The following BCL2 variants were observed in gnomAD, a reference collection of about 807,000 sequenced individuals.
BCL2 encodes the protein apoptosis regulator Bcl-2.
Under a neutral mutation model 14.2 loss-of-function variants are expected in BCL2, and 1 was observed. The ratio of observed to expected loss-of-function variants is 0.07; its 90% confidence interval spans 0.02 to 0.33. BCL2 has a LOEUF of 0.33. BCL2 is among the 10% of genes least tolerant of loss of function. BCL2 has a pLI of 0.99. For synonymous variants in BCL2, 151 were observed against 137.2 expected (o/e 1.10, Z -0.70); for missense variants, 247 against 305.9 (o/e 0.81, Z 1.44).
intron 2 of BCL2, among the ~76,000 whole-genome samples, chr18:63,259,981 T>C (rs1295824754): frequency 6.6e-6 from 1 of 152,220 alleles, no homozygotes. Context: ...TTTCTCCGTT[T>C]TTGCTTTTAA....
At chr18:63,201,664 C>T (rs1434727365) in intron 2 of BCL2, among the ~76,000 whole-genome samples, 3 of 152,126 alleles carry the variant, frequency 2.0e-5, no homozygotes, top group Non-Finnish European at 2.9e-5. Flanking sequence ...AGGATGAGTT[C>T]ATGTCCTTTG....
At chr18:63,213,648 C>T (rs1910115549) in intron 2 of BCL2, among the ~76,000 whole-genome samples, 1 of 151,506 alleles carries the variant, frequency 6.6e-6, no homozygotes, top group Admixed American at 6.6e-5. Context: ...GGAGTTAAAA[C>T]GAGAACCCTA....
intron 2 of BCL2, among the ~76,000 whole-genome samples, chr18:63,152,095 G>A (rs1361598120): frequency 2.0e-5 from 3 of 152,186 alleles, no homozygotes; most frequent in African/African-American, 7.2e-5. Context: ...TCAAAACAGA[G>A]GGTCTTTACT....
intron 2 of BCL2, among the ~76,000 whole-genome samples, chr18:63,278,345 A>G (rs956303554): frequency 5.9e-5 from 9 of 152,346 alleles, no homozygotes; most frequent in African/African-American, 1.7e-4. Context: ...ACTCTCCTAG[A>G]TCAAACTCAG....
chr18:63,182,753 A>G (rs1915508314), intron 2 of BCL2, among the ~76,000 whole-genome samples: 1 of 152,226 alleles, frequency 6.6e-6, no homozygotes, highest in South Asian at 2.1e-4. Context: ...CATGTAGGAC[A>G]AAAAAATTTT....
chr18:63,272,482 A>C (rs1312029612), intron 2 of BCL2, among the ~76,000 whole-genome samples: 3 of 152,238 alleles, frequency 2.0e-5, no homozygotes, highest in Non-Finnish European at 4.4e-5. Context: ...TCGGGTAAAC[A>C]TCCGAGACAA....
At chr18:63,157,445 C>A (rs933027934) in intron 2 of BCL2, among the ~76,000 whole-genome samples, 2 of 152,218 alleles carry the variant, frequency 1.3e-5, no homozygotes, top group South Asian at 4.1e-4. Flanking sequence ...AACCCTTCAC[C>A]TGGGGCTGTT....
At chr18:63,143,676 G>A (rs562676989) in intron 2 of BCL2, among the ~76,000 whole-genome samples, 12 of 152,342 alleles carry the variant, frequency 7.9e-5, no homozygotes, top group East Asian at 5.8e-4. Flanking sequence ...TTTATACACC[G>A]ACTATTCCTC....
At chr18:63,172,807 A>T (rs918072245) in intron 2 of BCL2, among the ~76,000 whole-genome samples, 8 of 152,126 alleles carry the variant, frequency 5.3e-5, no homozygotes, top group African/African-American at 1.9e-4. Context: ...AAACAAAAAC[A>T]GTGAATTCCC....
At chr18:63,299,965 C>A (rs186858328) in intron 2 of BCL2, among the ~76,000 whole-genome samples, 11 of 152,216 alleles carry the variant, frequency 7.2e-5, no homozygotes, top group African/African-American at 2.2e-4. Context: ...GACTGTCCCC[C>A]CCAAGGCCAG....
chr18:63,137,360 C>A lies in BCL2; in HGVS notation c.586-8601G>T, dbSNP rs1007910965. 2.0e-5 allele frequency among the ~76,000 whole-genome samples: 3 copies of A among 152,184 alleles called. No homozygotes were observed. In the South Asian group the frequency reaches 6.2e-4, roughly 32 times the overall value. Reference sequence around the variant, plus strand: ...ACTATTAGCACCTGGAGGTGCAGGACCATGTTTTATTTATCTTTGGATCCC... The same window carrying A: ...ACTATTAGCACCTGGAGGTGCAGGAACATGTTTTATTTATCTTTGGATCCC... On this transcript the variant is annotated intron_variant, in intron 2 of 2. Transcript: ENST00000333681.
intron 2 of BCL2, among the ~76,000 whole-genome samples, chr18:63,273,962 C>G (rs1912076045): frequency 2.0e-5 from 3 of 152,184 alleles, no homozygotes; most frequent in Admixed American, 2.0e-4. Context: ...AACACATATT[C>G]CTCAAAAAGG....
At chr18:63,172,100 C>T (rs1042486491) in intron 2 of BCL2, among the ~76,000 whole-genome samples, 2 of 152,186 alleles carry the variant, frequency 1.3e-5, no homozygotes, top group African/African-American at 4.8e-5. Context: ...CTATAAGGCA[C>T]AGGATGATTC....
intron 2 of BCL2, among the ~76,000 whole-genome samples, chr18:63,200,874 C>CA (rs1165261940): frequency 6.6e-6 from 1 of 152,176 alleles, no homozygotes; most frequent in African/African-American, 2.4e-5. Context: ...CCTCCCACCT[C>CA]AGCCTTCCAA....
intron 2 of BCL2, among the ~76,000 whole-genome samples, chr18:63,281,170 C>A (rs1438165134): frequency 6.6e-6 from 1 of 151,818 alleles, no homozygotes; most frequent in Non-Finnish European, 1.5e-5. Context: ...AGGCTGCAGG[C>A]GTGGGGGAAC....
chr18:63,235,416 T>C (rs887965563), intron 2 of BCL2, among the ~76,000 whole-genome samples: 4 of 152,210 alleles, frequency 2.6e-5, no homozygotes, highest in Non-Finnish European at 4.4e-5. Flanking sequence ...TTCCATGTCC[T>C]CCATCTGATA....
intron 2 of BCL2, among the ~76,000 whole-genome samples, chr18:63,265,107 G>A (rs1002969865): frequency 2.0e-5 from 3 of 152,150 alleles, no homozygotes; most frequent in South Asian, 2.1e-4. Flanking sequence ...CCTCTCTGTC[G>A]CCAATCAAAA....
At chr18:63,198,945 A>G (rs1485234143) in intron 2 of BCL2, among the ~76,000 whole-genome samples, 3 of 812 alleles carry the variant, frequency 3.7e-3, no homozygotes, top group African/African-American at 0.01. Flanking sequence ...ACACACTGAC[A>G]CAGAGACACA....
chr18:63,171,155 G>T (rs1230413348), intron 2 of BCL2, among the ~76,000 whole-genome samples: 2 of 152,138 alleles, frequency 1.3e-5, no homozygotes, highest in African/African-American at 2.4e-5. Flanking sequence ...TAAGCCATGT[G>T]TGATACGTGT....
Sources: allele counts gnomAD v4.1 joint callset (sites outside exome capture counted in the v4.1 genomes callset), GRCh38; gene constraint gnomAD v4.1.1; transcripts MANE v1.5; gene names NCBI Gene and HGNC (gene_info 2026-07-23, HGNC 2026-07-21).